The following BMPR2 variants were observed in gnomAD, a reference collection of about 807,000 sequenced individuals.
The protein encoded by BMPR2 is bone morphogenetic protein receptor type 2.
In BMPR2, 29 loss-of-function variants were observed where a neutral mutation model predicts 100.8. The ratio of observed to expected loss-of-function variants is 0.29; its 90% confidence interval spans 0.21 to 0.39. The LOEUF (loss-of-function observed/expected upper bound fraction) is 0.39, where lower values mean the gene tolerates loss of function less well. Among genes scored for constraint, BMPR2 ranks in the 10% least tolerant of loss-of-function variants. The pLI, the probability that BMPR2 is intolerant of heterozygous loss-of-function variation, is 1.00. For synonymous variants in BMPR2, 382 were observed against 442.3 expected (o/e 0.86, Z 1.71); for missense variants, 1,011 against 1,274.5 (o/e 0.79, Z 3.15).
intron 7 of BMPR2, 121 bp from the exon 8 acceptor site, chr2:202,530,669 CTCTT>C: frequency 2.4e-6 from 2 of 844,788 alleles, no homozygotes; most frequent in Non-Finnish European, 3.6e-6. Flanking sequence ...ATTCCGATTT[CTCTT>C]TTTTTGTTAT....
chr2:202,527,340 T>C (rs1232990880), intron 7 of BMPR2, among the ~76,000 whole-genome samples: 1 of 151,574 alleles, frequency 6.6e-6, no homozygotes, highest in Non-Finnish European at 1.5e-5. Flanking sequence ...CAAAAAAAAT[T>C]AGCTGGGCGT....
At chr2:202,517,435 C>T (rs2106005271) in intron 5 of BMPR2, among the ~76,000 whole-genome samples, 1 of 151,542 alleles carries the variant, frequency 6.6e-6, no homozygotes, top group Middle Eastern at 3.4e-3. Context: ...ATTCTCCAGC[C>T]TCAGCCTCTA....
chr2:202,417,448 A>C (rs745336804), intron 1 of BMPR2, among the ~76,000 whole-genome samples: 1 of 151,948 alleles, frequency 6.6e-6, no homozygotes, highest in African/African-American at 2.4e-5. Flanking sequence ...GATTACAGGC[A>C]TGCGCCACCA....
intron 9 of BMPR2, among the ~76,000 whole-genome samples, chr2:202,535,967 G>T (rs1266412789): frequency 6.6e-6 from 1 of 150,540 alleles, no homozygotes; most frequent in Admixed American, 6.6e-5. Flanking sequence ...GCAGGCACTC[G>T]GCAGGCTGAG....
At chr2:202,401,632 T>G (rs1489483001) in intron 1 of BMPR2, among the ~76,000 whole-genome samples, 3 of 152,196 alleles carry the variant, frequency 2.0e-5, no homozygotes, top group Non-Finnish European at 2.9e-5. Flanking sequence ...TATATAACAT[T>G]TTAAGTTGAT....
intron 1 of BMPR2, among the ~76,000 whole-genome samples, chr2:202,452,052 C>T (rs543479830): frequency 1.4e-4 from 21 of 152,222 alleles, no homozygotes; most frequent in African/African-American, 4.6e-4. Flanking sequence ...CTGCGCCTGG[C>T]CAATTCGGTG....
chr2:202,484,693 G>A (rs537572610), intron 3 of BMPR2, among the ~76,000 whole-genome samples: 16 of 147,908 alleles, frequency 1.1e-4, no homozygotes, highest in African/African-American at 2.7e-4. Context: ...AAGGCTGGGC[G>A]CGGTGGCTCA....
intron 1 of BMPR2, among the ~76,000 whole-genome samples, chr2:202,447,125 G>GT (rs1163713753): frequency 6.7e-6 from 1 of 149,098 alleles, no homozygotes; most frequent in Non-Finnish European, 1.5e-5. Flanking sequence ...GGCCAACATA[G>GT]TGAAACCCTG....
Position 202,532,728 on chromosome 2 carries a change from C to T in BMPR2, c.1272C>T (p.Phe424=), listed in dbSNP as rs1688051821. 1 of 1,612,056 alleles carries T rather than the reference C, an allele frequency of 6.2e-7. No homozygotes were observed. The highest frequency in any genetic ancestry group is 8.5e-7 in the Non-Finnish European group (1 of 1,179,868). Residue 424 remains phenylalanine (F), a synonymous_variant, in exon 9 of 13, where the codon TTC becomes TTT. Transcript: ENST00000374580. The surrounding 1 kb of genome is among the most constrained non-coding windows in gnomAD (Gnocchi z 4.1). ...WEIFMRCTDL[F]PGESVPEYQM... ...TATTTATGAGATGTACAGACCTCTT[C>T]CCAGGTAAAAACTACTGTCAAAAGT...
Position 202,556,145 on chromosome 2 carries a change from A to G in BMPR2, c.2480A>G (p.Asn827Ser), listed in dbSNP as rs1026272520. ...CATGCTGCCACAACCCAATATGCCA[A>G]TGGGACAGTACTATCTGGCCAAACA... ...NSHAATTQYANGTVLSGQTTN... is the reference protein window; with the variant it reads ...NSHAATTQYASGTVLSGQTTN... Residue 827 changes from asparagine to serine, a missense_variant, in exon 12 of 13, where the codon AAT becomes AGT. Physicochemically the swap from Asn to Ser is conservative, Grantham distance 46. Around this residue, in one of 6 missense-constraint regions of BMPR2, gnomAD observed 508 missense variants for 552.0 expected, o/e 0.92. Transcript: ENST00000374580. 1 of 1,613,888 alleles carries G rather than the reference A, an allele frequency of 6.2e-7. No individual in the cohort carries two copies. The highest frequency in any genetic ancestry group is 8.5e-7 in the Non-Finnish European group (1 of 1,179,858).
chr2:202,539,590 AAC>A (rs761615893), intron 9 of BMPR2, among the ~76,000 whole-genome samples: 7 of 151,238 alleles, frequency 4.6e-5, no homozygotes, highest in African/African-American at 7.4e-5. Context: ...ATTAAATGGA[AAC>A]ACTATGTAAT....
chr2:202,481,055 A>G (rs1692650765), intron 3 of BMPR2, among the ~76,000 whole-genome samples: 1 of 151,594 alleles, frequency 6.6e-6, no homozygotes, highest in South Asian at 2.1e-4. Flanking sequence ...TCAAGGATCC[A>G]TTGATCCTTA....
intron 1 of BMPR2, among the ~76,000 whole-genome samples, chr2:202,379,907 G>A (rs1214357495): frequency 6.6e-6 from 1 of 151,076 alleles, no homozygotes; most frequent in East Asian, 1.9e-4. Context: ...GCCCAGGCTG[G>A]AGTGCAGTGG....
chr2:202,522,845 A>C (rs951321297), intron 7 of BMPR2, among the ~76,000 whole-genome samples: 2 of 152,144 alleles, frequency 1.3e-5, no homozygotes, highest in Non-Finnish European at 2.9e-5. Context: ...AAAAAGAAAA[A>C]TGAATTCCTT....
At chr2:202,484,357 T>G (rs938279913) in intron 3 of BMPR2, among the ~76,000 whole-genome samples, 2 of 136,834 alleles carry the variant, frequency 1.5e-5, no homozygotes, top group Non-Finnish European at 3.1e-5. Flanking sequence ...CCTCCCTCCC[T>G]CCCTTCCTTC....
rs189397651 is a variant in BMPR2, at chr2:202,491,796, G to T, written c.419-21923G>T. Among the ~76,000 whole-genome samples the T allele has an allele frequency of 1.2e-4, 18 of 152,176 alleles. No homozygotes were observed. In the East Asian group the frequency reaches 3.3e-3, roughly 28 times the overall value. The stretch of plus-strand genomic sequence containing the variant: ...CAACTAGAGGATGTACAGCCTATTT[G>T]TCTGCTTCATTTAAAATTCTTCTCT... On this transcript the variant is annotated intron_variant, in intron 3 of 12. Transcript: ENST00000374580.
At position 202,536,617 on chromosome 2, in the gene BMPR2, A is replaced by T. The variant is rs11901984; in HGVS notation, c.1276+3885A>T. ...GCCGGGTGCGGTGGCTCACGCCTGT[A>T]ATCCCAGCACCTTAGGAGGCCGAGG... On this transcript the variant is annotated intron_variant, in intron 9 of 12. Coordinates refer to ENST00000374580, the MANE Select transcript of BMPR2 (RefSeq NM_001204.7). Among the ~76,000 whole-genome samples, 354 of 152,146 alleles carry T rather than the reference A, an allele frequency of 2.3e-3. 1 individual carries two copies. The highest frequency in any genetic ancestry group is 8.0e-3 in the African/African-American group (333 of 41,536).
chr2:202,502,047 G>T (rs1223350725), intron 3 of BMPR2, among the ~76,000 whole-genome samples: 1 of 152,236 alleles, frequency 6.6e-6, no homozygotes, highest in Non-Finnish European at 1.5e-5. Flanking sequence ...CCAGGGACCA[G>T]TGCCCAGTTA....
chr2:202,529,617 G>A (rs951070831), intron 7 of BMPR2, among the ~76,000 whole-genome samples: 3 of 152,162 alleles, frequency 2.0e-5, no homozygotes, highest in African/African-American at 7.2e-5. Context: ...CTGGAGAACA[G>A]GAAGTGGGTA....
Sources: allele counts gnomAD v4.1 joint callset (sites outside exome capture counted in the v4.1 genomes callset), GRCh38; gene constraint gnomAD v4.1.1; regional missense constraint gnomAD v4.1.1; non-coding constraint Gnocchi (gnomAD v3.1); transcripts MANE v1.5; gene names NCBI Gene and HGNC (gene_info 2026-07-23, HGNC 2026-07-21).